Variants in ZNF490 observed in about 807,000 individuals in gnomAD.
ZNF490 encodes the protein zinc finger protein 490.
In ZNF490, 11 loss-of-function variants were observed where a neutral mutation model predicts 17.7. The observed-to-expected ratio is 0.62, with a 90% CI of 0.39 to 1.03. The LOEUF (loss-of-function observed/expected upper bound fraction) is 1.03, where lower values mean the gene tolerates loss of function less well. Ranked by LOEUF, ZNF490 falls within the 50% of genes least tolerant of loss-of-function variation. The pLI, the probability that ZNF490 is intolerant of heterozygous loss-of-function variation, is 0.00. For missense variants in ZNF490, 542 were observed against 643.4 expected (o/e 0.84, Z 1.71); for synonymous variants, 222 against 216.1 (o/e 1.03, Z -0.24).
At chr19:12,598,093 A>T (rs1382447565) in intron 2 of ZNF490, among the ~76,000 whole-genome samples, 1 of 151,806 alleles carries the variant, frequency 6.6e-6, no homozygotes, top group African/African-American at 2.4e-5. Context: ...GCGTGGTGGC[A>T]CGCGCCTGTA....
Position 12,578,976 on chromosome 19 carries a change from G to A in ZNF490, c.*1509C>T, listed in dbSNP as rs888303947. 7.7e-5 allele frequency: 76 copies of A among 985,428 alleles called. No individual in the cohort carries two copies. Among genetic ancestry groups the A allele is most frequent in the Non-Finnish European group, 8.6e-5 (71 of 830,034 alleles). 61.0% of individuals were successfully genotyped at this position (985,428 alleles called of 1,614,324 possible). A position where few individuals can be genotyped will look rare whatever the true frequency, so the allele number is the denominator to read the frequency against. ...ATGGTTTTAAAATGAACTGGAGGCC[G>A]GGCGCGGTGGCTCACGCCTATAATC... On this transcript the variant is annotated 3_prime_UTR_variant, in exon 5 of 5. Transcript: ENST00000311437.
chr19:12,605,875 AT>A (rs199874922), intron 2 of ZNF490, among the ~76,000 whole-genome samples: 2,814 of 151,338 alleles, frequency 0.019, 48 homozygotes, highest in Middle Eastern at 0.044. Flanking sequence ...CTCGAATAGG[AT>A]TTTTTTTTAA....
At position 12,578,454 on chromosome 19, in the gene ZNF490, C is replaced by G; in HGVS notation, c.*2031G>C. The G allele has an allele frequency of 1.0e-6, 1 of 985,444 alleles. No individual in the cohort carries two copies. The highest frequency in any genetic ancestry group is 4.7e-5 in the South Asian group (1 of 21,286). 61.0% of individuals were successfully genotyped at this position (985,444 alleles called of 1,614,324 possible). ...GCTTCTTCAGTCTCTCACCTCAGAGCCACCTGCGGTTGCCACAGAGAAATT... is the reference window on the plus strand; with the variant it reads ...GCTTCTTCAGTCTCTCACCTCAGAGGCACCTGCGGTTGCCACAGAGAAATT... On this transcript the variant is annotated 3_prime_UTR_variant, in exon 5 of 5. Transcript: ENST00000311437.
At chr19:12,605,991 C>T (rs2023063937) in intron 2 of ZNF490, among the ~76,000 whole-genome samples, 2 of 151,924 alleles carry the variant, frequency 1.3e-5, no homozygotes. Context: ...AGCAATTATC[C>T]TGCCTCAGCC....
intron 1 of ZNF490, 116 bp downstream of exon 1, chr19:12,610,448 C>T: frequency 1.1e-6 from 1 of 899,094 alleles, no homozygotes. Flanking sequence ...CTGTTATGGT[C>T]AAAGATTAAA....
At chr19:12,591,832 C>CAA (rs796408387) in intron 2 of ZNF490, among the ~76,000 whole-genome samples, 3 of 106,794 alleles carry the variant, frequency 2.8e-5, no homozygotes. Context: ...CAGACAGTTA[C>CAA]AAAAAAAAAA....
Position 12,578,899 on chromosome 19 carries a change from G to A in ZNF490, c.*1586C>T. On this transcript the variant is annotated 3_prime_UTR_variant, in exon 5 of 5. Coordinates refer to ENST00000311437, the MANE Select transcript of ZNF490 (RefSeq NM_020714.3). ...AATGGTTGCAGATGTCATTGAAGAT[G>A]TTCCCATATTGCTTACATTTAAGAA... 3 of 985,400 alleles carry A rather than the reference G, an allele frequency of 3.0e-6. No homozygotes were observed. The highest frequency in any genetic ancestry group is 3.6e-6 in the Non-Finnish European group (3 of 829,926). The allele number at this position is 985,400 out of a possible 1,614,324, so 61.0% of individuals were successfully genotyped here.
chr19:12,602,054 C>T (rs1599312728), intron 2 of ZNF490, among the ~76,000 whole-genome samples: 1 of 142,290 alleles, frequency 7.0e-6, no homozygotes, highest in Admixed American at 7.2e-5. Flanking sequence ...TTCCTGGCAC[C>T]GTTTTTGAAA....
intron 2 of ZNF490, chr19:12,597,236 CCA>C: frequency 2.2e-6 from 1 of 456,624 alleles, no homozygotes; most frequent in South Asian, 1.5e-5. Context: ...ATACGCAGAG[CCA>C]CAGACAGTCC....
intron 2 of ZNF490, among the ~76,000 whole-genome samples, chr19:12,602,079 T>TATACACAA (rs778812676): frequency 2.2e-4 from 15 of 68,654 alleles, no homozygotes; most frequent in East Asian, 1.5e-3. Flanking sequence ...GTTCACTATA[T>TATACACAA]ACACACACAC....
At chr19:12,601,388 A>G (rs111773160) in intron 2 of ZNF490, among the ~76,000 whole-genome samples, 5,155 of 143,198 alleles carry the variant, frequency 0.036, 304 homozygotes, top group African/African-American at 0.12. Flanking sequence ...ACTCCGTCTG[A>G]AAAAAAAAAA....
In ZNF490 at chr19:12,576,936, G is replaced by A. The variant is rs2022649327; in HGVS notation, c.*3549C>T. On this transcript the variant is annotated 3_prime_UTR_variant, in exon 5 of 5. Coordinates refer to ENST00000311437, the MANE Select transcript of ZNF490 (RefSeq NM_020714.3). Reference sequence around the variant, plus strand: ...CACACACGTTATCACTGTACATACAGGTGGACAGACACAAATTCACAAACC... The same window carrying A: ...CACACACGTTATCACTGTACATACAAGTGGACAGACACAAATTCACAAACC... Among the ~76,000 whole-genome samples the A allele has an allele frequency of 6.6e-6, 1 of 151,500 alleles. No individual in the cohort carries two copies. Among genetic ancestry groups the A allele is most frequent in the Non-Finnish European group, 1.5e-5 (1 of 67,980 alleles).
intron 2 of ZNF490, among the ~76,000 whole-genome samples, chr19:12,583,791 C>CTCTCTATATATA (rs1315571249): frequency 7.3e-5 from 5 of 68,134 alleles, no homozygotes; most frequent in Admixed American, 2.1e-4. Context: ...CTCTCTCTCT[C>CTCTCTATATATA]TATATATATA....
At chr19:12,599,066 C>T (rs1226952394) in intron 2 of ZNF490, among the ~76,000 whole-genome samples, 2 of 127,504 alleles carry the variant, frequency 1.6e-5, no homozygotes, top group Non-Finnish European at 3.1e-5. Context: ...GCAGGAGAAT[C>T]GCTTGAACCT....
intron 2 of ZNF490, among the ~76,000 whole-genome samples, chr19:12,591,262 G>A (rs1223975735): frequency 4.6e-5 from 7 of 152,028 alleles, no homozygotes; most frequent in Non-Finnish European, 8.8e-5. Context: ...GGTGGTGCAT[G>A]CCTGTAGTCC....
intron 2 of ZNF490, chr19:12,597,304 T>G (rs536479437): frequency 2.4e-6 from 1 of 415,874 alleles, no homozygotes; most frequent in East Asian, 7.2e-5. Context: ...ACACGCGCAT[T>G]CAGAGCTAGG....
In ZNF490 at chr19:12,604,817, T is replaced by TC. The variant is rs1450409698; in HGVS notation, c.162+4340dup. The stretch of plus-strand genomic sequence containing the variant: ...CCAGCCTGGGCGACAAGAGCAAAAC[T>TC]CCGTCTCAAAAAAAAAATAATAATA... On this transcript the variant is annotated intron_variant, in intron 2 of 4. Coordinates refer to ENST00000311437, the MANE Select transcript of ZNF490 (RefSeq NM_020714.3). Among the ~76,000 whole-genome samples the TC allele has an allele frequency of 4.1e-5, 6 of 147,488 alleles. No individual in the cohort carries two copies. In the East Asian group the frequency reaches 1.2e-3, roughly 29 times the overall value.
chr19:12,581,321 A>T lies in ZNF490; in HGVS notation c.754T>A (p.Cys252Ser). Residue 252 changes from cysteine (C) to serine (S), a missense_variant, in exon 5 of 5, where the codon TGT becomes AGT. Cys to Ser is a moderately radical substitution (Grantham distance 112). Coordinates refer to ENST00000311437, the MANE Select transcript of ZNF490 (RefSeq NM_020714.3). ...CTGAATGCCTTCCCACATTCCTTACATTCATAGGGTGTCTCTCCAGTATGA... is the reference window on the plus strand; with the variant it reads ...CTGAATGCCTTCCCACATTCCTTACTTTCATAGGGTGTCTCTCCAGTATGA... ...RIHTGETPYE[C>S]KECGKAFRYL... 6.2e-7 allele frequency: 1 copy of T among 1,614,134 alleles called. No homozygotes were observed. The highest frequency in any genetic ancestry group is 8.5e-7 in the Non-Finnish European group (1 of 1,180,022).
At position 12,586,275 on chromosome 19, in the gene ZNF490, G is replaced by A. The variant is rs1286833236; in HGVS notation, c.163-2719C>T. Among the ~76,000 whole-genome samples, 4 of 92,022 alleles carry A rather than the reference G, an allele frequency of 4.3e-5. 2 individuals carry two copies. Among genetic ancestry groups the A allele is most frequent in the Non-Finnish European group, 1.2e-4 (4 of 34,460 alleles). The allele number at this position is 92,022 out of a possible 152,430, so 60.4% of individuals were successfully genotyped here. A position where few individuals can be genotyped will look rare whatever the true frequency, so the allele number is the denominator to read the frequency against. On this transcript the variant is annotated intron_variant, in intron 2 of 4. Transcript: ENST00000311437. ...GATCGTGCCCCTGCACTCCAGCCTGGGCGACAGAGCGAAACTCCACCTCAA... is the reference window on the plus strand; with the variant it reads ...GATCGTGCCCCTGCACTCCAGCCTGAGCGACAGAGCGAAACTCCACCTCAA...
Sources: gnomAD v4.1 joint callset for allele counts (sites outside exome capture counted in the v4.1 genomes callset) on GRCh38, gnomAD v4.1.1 for gene constraint, MANE v1.5 for transcripts, NCBI Gene and HGNC (gene_info 2026-07-23, HGNC 2026-07-21) for gene names.